Variants in APBA1 observed in about 807,000 individuals in gnomAD.
APBA1 encodes amyloid beta precursor protein binding family A member 1.
APBA1 carries 55 observed loss-of-function variants against 86.6 expected under a neutral mutation model. The ratio of observed to expected loss-of-function variants is 0.64; its 90% CI spans 0.51 to 0.80. APBA1 has a LOEUF of 0.80. APBA1 is among the 30% of genes least tolerant of loss of function. APBA1 has a pLI of 0.00. For missense variants in APBA1, 1,090 were observed against 1,183.0 expected (o/e 0.92, Z 1.15); for synonymous variants, 511 against 493.9 (o/e 1.03, Z -0.46).
chr9:69,524,287 A>G (rs1281210823), intron 1 of APBA1, among the ~76,000 whole-genome samples: 1 of 152,168 alleles, frequency 6.6e-6, no homozygotes, highest in Non-Finnish European at 1.5e-5. Flanking sequence ...AGAATCAGTG[A>G]AGCCAAAAGT....
At chr9:69,589,585 A>T (rs1357459454) in intron 1 of APBA1, among the ~76,000 whole-genome samples, 2 of 152,090 alleles carry the variant, frequency 1.3e-5, no homozygotes, top group Admixed American at 6.5e-5. Flanking sequence ...TTCATTCAGT[A>T]TCTCATTTAG....
At chr9:69,444,362 G>C (rs1047087745) in intron 10 of APBA1, among the ~76,000 whole-genome samples, 9 of 152,216 alleles carry the variant, frequency 5.9e-5, no homozygotes, top group African/African-American at 2.2e-4. Flanking sequence ...CATCGACAAA[G>C]GGAGATGCTC....
chr9:69,628,849 C>T (rs950067470), intron 1 of APBA1, among the ~76,000 whole-genome samples: 3 of 152,096 alleles, frequency 2.0e-5, no homozygotes, highest in African/African-American at 7.2e-5. Context: ...AATCTCCATA[C>T]CTGTGAACTC....
intron 1 of APBA1, among the ~76,000 whole-genome samples, chr9:69,613,169 T>C (rs913669404): frequency 7.3e-5 from 11 of 150,334 alleles, no homozygotes; most frequent in African/African-American, 2.7e-4. Context: ...GCTTTGATAT[T>C]AAAAATACAC....
In APBA1 at chr9:69,541,050, C is replaced by T. The variant is rs956851290; in HGVS notation, c.-69-23771G>A. On this transcript the variant is annotated intron_variant, in intron 1 of 12. Coordinates refer to ENST00000265381, the MANE Select transcript of APBA1 (RefSeq NM_001163.4). ...TCCTTCTTTAAGGCTGAATAACATT[C>T]CACGCATGTATATATCACATTTTAT... Among the ~76,000 whole-genome samples, 9 of 152,198 alleles carry T rather than the reference C, an allele frequency of 5.9e-5. No homozygotes were observed. The South Asian group carries it at 1.9e-3, about 32-fold the overall frequency.
chr9:69,531,825 G>A (rs1050942686), intron 1 of APBA1, among the ~76,000 whole-genome samples: 1 of 152,206 alleles, frequency 6.6e-6, no homozygotes, highest in Admixed American at 6.5e-5. Flanking sequence ...AGGCAGGAAA[G>A]CATAGTGGTT....
At chr9:69,591,829 G>A (rs1172754249) in intron 1 of APBA1, among the ~76,000 whole-genome samples, 1 of 152,174 alleles carries the variant, frequency 6.6e-6, no homozygotes, top group African/African-American at 2.4e-5. Flanking sequence ...TTTCCCATGT[G>A]ATAGGTACAG....
chr9:69,536,645 T>C (rs112436383), intron 1 of APBA1, among the ~76,000 whole-genome samples: 2,041 of 147,470 alleles, frequency 0.014, 45 homozygotes, highest in African/African-American at 0.048. Context: ...GGCGGGCAGA[T>C]TGATGGAGGT....
At chr9:69,535,584 G>C (rs1836495914) in intron 1 of APBA1, among the ~76,000 whole-genome samples, 1 of 152,088 alleles carries the variant, frequency 6.6e-6, no homozygotes, top group South Asian at 2.1e-4. Context: ...GCCTCCCTCT[G>C]CCTCCTGCCC....
At chr9:69,522,123 T>C (rs1266290243) in intron 1 of APBA1, among the ~76,000 whole-genome samples, 2 of 151,838 alleles carry the variant, frequency 1.3e-5, no homozygotes, top group East Asian at 3.9e-4. Context: ...TGTGTGTGTA[T>C]ATATATAAAA....
At chr9:69,491,634 C>G (rs1349492950) in intron 2 of APBA1, among the ~76,000 whole-genome samples, 1 of 151,798 alleles carries the variant, frequency 6.6e-6, no homozygotes, top group East Asian at 1.9e-4. Context: ...TCAATCAACT[C>G]CTAAGACAAT....
In APBA1 at chr9:69,670,306, A is replaced by C. The variant is rs912150217; in HGVS notation, c.-70+1847T>G. Among the ~76,000 whole-genome samples, 7 of 152,326 alleles carry C rather than the reference A, an allele frequency of 4.6e-5. No homozygotes were observed. The East Asian group carries it at 1.2e-3, about 25-fold the overall frequency. On this transcript the variant is annotated intron_variant, in intron 1 of 12. Transcript: ENST00000265381. ...ACGATATCATGCAATCTTTGCCCATAAAAGAAAGCAAAACAAAAATTTTAA... is the reference window on the plus strand; with the variant it reads ...ACGATATCATGCAATCTTTGCCCATCAAAGAAAGCAAAACAAAAATTTTAA...
intron 3 of APBA1, among the ~76,000 whole-genome samples, chr9:69,473,143 G>A (rs1486107916): frequency 6.6e-6 from 1 of 152,138 alleles, no homozygotes. Flanking sequence ...ATGAGAAAAT[G>A]CACACCAAAT....
At chr9:69,468,078 A>T in intron 4 of APBA1, 110 bp from the exon 5 acceptor site, 1 of 1,311,836 alleles carries the variant, frequency 7.6e-7, no homozygotes, top group Non-Finnish European at 1.1e-6. Flanking sequence ...CAGGTGAGGC[A>T]GAGCCAACCT....
At chr9:69,530,408 TC>T (rs1234280045) in intron 1 of APBA1, among the ~76,000 whole-genome samples, 1 of 151,632 alleles carries the variant, frequency 6.6e-6, no homozygotes, top group African/African-American at 2.4e-5. Context: ...GAAATCATAT[TC>T]TTTGTAGCAA....
chr9:69,503,222 C>T (rs550312613), intron 2 of APBA1, among the ~76,000 whole-genome samples: 3 of 152,108 alleles, frequency 2.0e-5, no homozygotes, highest in South Asian at 2.1e-4. Flanking sequence ...CTAAAGGATT[C>T]CTACTCTTGC....
At chr9:69,492,829 G>C (rs985293875) in intron 2 of APBA1, among the ~76,000 whole-genome samples, 6 of 152,070 alleles carry the variant, frequency 3.9e-5, no homozygotes, top group Non-Finnish European at 7.4e-5. Context: ...ACTTTAATGA[G>C]TTCCAATACT....
intron 10 of APBA1, among the ~76,000 whole-genome samples, chr9:69,441,812 C>CCTCTCCCTCTAAATTAAAATGG (rs1564030158): frequency 1.3e-5 from 2 of 152,170 alleles, no homozygotes; most frequent in Non-Finnish European, 2.9e-5. Flanking sequence ...TGATGACACA[C>CCTCTCCCTCTAAATTAAAATGG]CTCTCCCTCT....
Position 69,530,357 on chromosome 9 carries a change from CAT to C in APBA1, c.-69-13080_-69-13079del, listed in dbSNP as rs1218826437. On this transcript the variant is annotated intron_variant, in intron 1 of 12. Coordinates refer to ENST00000265381, the MANE Select transcript of APBA1 (RefSeq NM_001163.4). ...ACACACACACACACACACACACACA[CAT>C]GCAACACTATGGAATACTATGCAGC... Among the ~76,000 whole-genome samples the C allele has an allele frequency of 1.5e-3, 222 of 148,102 alleles. 6 individuals carry two copies. The highest frequency in any genetic ancestry group is 0.01 in the East Asian group (51 of 4,998).
Sources: allele counts gnomAD v4.1 joint callset (sites outside exome capture counted in the v4.1 genomes callset), GRCh38; gene constraint gnomAD v4.1.1; transcripts MANE v1.5; gene names NCBI Gene and HGNC (gene_info 2026-07-23, HGNC 2026-07-21).